The following PCGF6 variants were observed in gnomAD, a reference collection of about 807,000 sequenced individuals.
The protein encoded by PCGF6 is polycomb group ring finger 6, also known as polycomb group RING finger protein 6.
In PCGF6, 24 loss-of-function variants were observed where a neutral mutation model predicts 45.5. The ratio of observed to expected loss-of-function variants is 0.53; its 90% CI spans 0.38 to 0.74. The LOEUF (loss-of-function observed/expected upper bound fraction) is 0.74, where lower values mean the gene tolerates loss of function less well. PCGF6 is among the 30% of genes least tolerant of loss of function. The pLI is 0.00. For synonymous variants in PCGF6, 152 were observed against 162.1 expected (o/e 0.94, Z 0.47); for missense variants, 356 against 443.2 (o/e 0.80, Z 1.77).
At chr10:103,340,012 A>AT in intron 6 of PCGF6, among the ~76,000 whole-genome samples, 3 of 144,850 alleles carry the variant, frequency 2.1e-5, no homozygotes, top group Non-Finnish European at 4.6e-5. Flanking sequence ...AAATACAAAA[A>AT]AAAAAAAAAA....
At chr10:103,348,585 A>T in intron 3 of PCGF6, 131 bp downstream of exon 3, 2 of 699,466 alleles carry the variant, frequency 2.9e-6, no homozygotes, top group Non-Finnish European at 4.5e-6. Flanking sequence ...TCGGCCTCCC[A>T]AAGTGCTGGG....
intron 9 of PCGF6, among the ~76,000 whole-genome samples, chr10:103,312,837 T>C (rs2133558064): frequency 6.6e-6 from 1 of 152,220 alleles, no homozygotes; most frequent in Middle Eastern, 3.4e-3. Flanking sequence ...GGCGCATGCC[T>C]GTAAACCCAG....
chr10:103,315,786 G>C (rs1272211458), intron 8 of PCGF6, among the ~76,000 whole-genome samples: 1 of 152,120 alleles, frequency 6.6e-6, no homozygotes, highest in African/African-American at 2.4e-5. Context: ...GTGTGAGCCA[G>C]TGTGCTCCGG....
At chr10:103,305,865 T>C (rs1405458796) in intron 9 of PCGF6, among the ~76,000 whole-genome samples, 2 of 148,738 alleles carry the variant, frequency 1.3e-5, no homozygotes, top group Non-Finnish European at 3.0e-5. Flanking sequence ...CTGGGCAACA[T>C]GGTGAAACTC....
chr10:103,318,744 A>G (rs74948498), intron 8 of PCGF6, among the ~76,000 whole-genome samples: 2 of 147,244 alleles, frequency 1.4e-5, no homozygotes, highest in African/African-American at 4.9e-5. Flanking sequence ...ACTCTGTCTG[A>G]AAAAAAAAAA....
chr10:103,312,656 T>C (rs1317895164), intron 9 of PCGF6: 1 of 152,234 alleles, frequency 6.6e-6, no homozygotes, highest in East Asian at 1.9e-4. Context: ...CTCAGAGTCA[T>C]ATAGCTCTTA....
intron 1 of PCGF6, among the ~76,000 whole-genome samples, chr10:103,349,218 T>C (rs777950137): frequency 2.0e-5 from 3 of 151,418 alleles, no homozygotes; most frequent in Non-Finnish European, 2.9e-5. Context: ...TGGCTAATTT[T>C]TGTATTTTTA....
intron 5 of PCGF6, 138 bp downstream of exon 5, chr10:103,347,100 T>G (rs764789146): frequency 1.0e-5 from 6 of 598,430 alleles, no homozygotes; most frequent in Non-Finnish European, 1.7e-5. Context: ...ATAAATAAAT[T>G]GGATTACACA....
Position 103,345,021 on chromosome 10 carries a change from C to T in PCGF6, c.782+3G>A. Reference sequence around the variant, plus strand: ...TTAAAAGGTAAATTTTTAGGGTACTCACCCAATGAACTCCAGTAATAAAGA... The same window carrying T: ...TTAAAAGGTAAATTTTTAGGGTACTTACCCAATGAACTCCAGTAATAAAGA... On this transcript the variant is annotated splice_donor_region_variant and intron_variant, in intron 6 of 9. Transcript: ENST00000369847. 6.4e-7 allele frequency: 1 copy of T among 1,573,714 alleles called. No individual in the cohort carries two copies. The highest frequency in any genetic ancestry group is 1.2e-5 in the South Asian group (1 of 86,894).
chr10:103,309,198 G>GC (rs1001425171), intron 9 of PCGF6, among the ~76,000 whole-genome samples: 1 of 150,488 alleles, frequency 6.6e-6, no homozygotes, highest in Non-Finnish European at 1.5e-5. Context: ...AGATTTGGTG[G>GC]GGGGGGGGCA....
chr10:103,325,276 C>T (rs904620881), intron 8 of PCGF6, among the ~76,000 whole-genome samples: 4 of 151,982 alleles, frequency 2.6e-5, no homozygotes, highest in African/African-American at 4.8e-5. Flanking sequence ...TGTTTTGAGA[C>T]GGAGTCTCGC....
At chr10:103,330,993 C>G (rs145779481) in intron 7 of PCGF6, among the ~76,000 whole-genome samples, 162 of 152,246 alleles carry the variant, frequency 1.1e-3, no homozygotes, top group African/African-American at 3.8e-3. Context: ...TTCCCCAAGC[C>G]TCTGACAACC....
chr10:103,347,241 G>T lies in PCGF6; in HGVS notation c.670C>A (p.Pro224Thr). The change falls in exon 5 of 10, where the codon CCT (proline) becomes ACT (threonine). Residue 224 changes from proline to threonine, a missense_variant. Physicochemically the swap from Pro to Thr is conservative, Grantham distance 38. Around this residue, in one of 2 missense-constraint regions of PCGF6, gnomAD observed 307 missense variants for 350.1 expected, o/e 0.88. Coordinates refer to ENST00000369847, the MANE Select transcript of PCGF6 (RefSeq NM_001011663.2). ...YKERGLEVPK[P>T]AVPQPVPSSK... Reference sequence around the variant, plus strand: ...TATAGTATACACCCAAACTTACCAGGTTTAGGTACTTCTAGACCTCTTTCT... The same window carrying T: ...TATAGTATACACCCAAACTTACCAGTTTTAGGTACTTCTAGACCTCTTTCT... The T allele has an allele frequency of 6.2e-7, 1 of 1,604,174 alleles. No homozygotes were observed. The highest frequency in any genetic ancestry group is 8.5e-7 in the Non-Finnish European group (1 of 1,171,540).
chr10:103,312,961 AAAAAC>A (rs1330963981), intron 9 of PCGF6, among the ~76,000 whole-genome samples: 11 of 77,644 alleles, frequency 1.4e-4, no homozygotes, highest in Non-Finnish European at 2.7e-4. Flanking sequence ...ACTCCGTCTC[AAAAAC>A]AAAAACAAAA....
At chr10:103,319,483 T>C (rs771125408) in intron 8 of PCGF6, among the ~76,000 whole-genome samples, 3 of 152,134 alleles carry the variant, frequency 2.0e-5, no homozygotes, top group Non-Finnish European at 4.4e-5. Flanking sequence ...AAGTTCTTTT[T>C]TTCTGTGTCT....
chr10:103,347,039 T>C (rs571133799), intron 5 of PCGF6, among the ~76,000 whole-genome samples, 199 bp downstream of exon 5: 1 of 152,296 alleles, frequency 6.6e-6, no homozygotes, highest in African/African-American at 2.4e-5. Flanking sequence ...GTGGCAGGGC[T>C]AGGAACAAAC....
chr10:103,312,084 CA>C (rs1225426465), intron 9 of PCGF6, among the ~76,000 whole-genome samples: 83 of 47,240 alleles, frequency 1.8e-3, no homozygotes, highest in African/African-American at 3.6e-3. Flanking sequence ...ACTCTGTCTC[CA>C]AAAAAAAAAA....
chr10:103,348,747 C>T lies in PCGF6; in HGVS notation c.526G>A (p.Val176Ile). ...SNRCPKCNIV[V>I]HQTQPLYNIR... ...TTATAAAGAGGTTGTGTCTGATGTA[C>T]TACTATATTGCATTTTGGACATCTG... The change falls in exon 3 of 10, where the codon GTA becomes ATA. Residue 176 changes from valine (V) to isoleucine (I), a missense_variant. Transcript: ENST00000369847. 6.2e-7 allele frequency: 1 copy of T among 1,606,580 alleles called. No homozygotes were observed. The highest frequency in any genetic ancestry group is 1.1e-5 in the South Asian group (1 of 90,538).
intron 7 of PCGF6, among the ~76,000 whole-genome samples, chr10:103,333,516 A>G (rs2093247207): frequency 6.6e-6 from 1 of 152,184 alleles, no homozygotes; most frequent in African/African-American, 2.4e-5. Context: ...CTGAACTTAA[A>G]TATGTTACAA....
Sources: allele counts gnomAD v4.1 joint callset (sites outside exome capture counted in the v4.1 genomes callset), GRCh38; gene constraint gnomAD v4.1.1; regional missense constraint gnomAD v4.1.1; transcripts MANE v1.5; gene names NCBI Gene and HGNC (gene_info 2026-07-23, HGNC 2026-07-21).